LRRC3B: variants seen among roughly 807,000 people sequenced by gnomAD.
LRRC3B encodes the protein leucine rich repeat containing 3B.
LRRC3B carries 2 observed loss-of-function variants against 12.8 expected under a neutral mutation model. That is an observed-to-expected ratio of 0.16 (90% CI 0.06 to 0.49). LRRC3B has a LOEUF of 0.49. Among genes scored for constraint, LRRC3B ranks in the 20% least tolerant of loss-of-function variants. The probability of loss-of-function intolerance (pLI) is 0.96; values close to 1 mark genes in which losing one functional copy is unlikely to be tolerated. For missense variants in LRRC3B, 189 were observed against 319.4 expected, an observed-to-expected ratio of 0.59 and a Z score of 3.11; for synonymous variants, 132 against 122.0, an observed-to-expected ratio of 1.08 and a Z score of -0.54.
At chr3:26,633,450 A>T (rs78011221) in intron 1 of LRRC3B, among the ~76,000 whole-genome samples, 5,201 of 152,314 alleles carry the variant, frequency 0.034, 166 homozygotes, top group East Asian at 0.13. Flanking sequence ...TTATTAGTAT[A>T]GAACAAAATA....
intron 1 of LRRC3B, among the ~76,000 whole-genome samples, chr3:26,672,850 CTTTG>C (rs1416596085): frequency 6.6e-6 from 1 of 152,154 alleles, no homozygotes; most frequent in Non-Finnish European, 1.5e-5. Flanking sequence ...CCATAGTACG[CTTTG>C]TTTAAGAGCC....
At chr3:26,648,052 C>T (rs1699189078) in intron 1 of LRRC3B, among the ~76,000 whole-genome samples, 1 of 151,630 alleles carries the variant, frequency 6.6e-6, no homozygotes, top group African/African-American at 2.4e-5. Flanking sequence ...GGAAGGAGTA[C>T]ATCTTGCCCA....
At chr3:26,699,706 C>T (rs2125457562) in intron 1 of LRRC3B, among the ~76,000 whole-genome samples, 1 of 152,298 alleles carries the variant, frequency 6.6e-6, no homozygotes, top group East Asian at 1.9e-4. Flanking sequence ...TGAGAGCCTA[C>T]ATTTATGTAG....
intron 1 of LRRC3B, among the ~76,000 whole-genome samples, chr3:26,662,125 C>T (rs985068508): frequency 2.0e-5 from 3 of 152,080 alleles, no homozygotes; most frequent in East Asian, 3.9e-4. Flanking sequence ...AATGAAAGTC[C>T]TCCTTTACTC....
At chr3:26,640,265 G>C (rs74373427) in intron 1 of LRRC3B, among the ~76,000 whole-genome samples, 1,539 of 151,636 alleles carry the variant, frequency 0.01, 61 homozygotes, top group East Asian at 0.085. Context: ...TTCTCTTTTC[G>C]TGAGATCACC....
chr3:26,631,696 G>C (rs1698760668), intron 1 of LRRC3B, among the ~76,000 whole-genome samples: 1 of 151,124 alleles, frequency 6.6e-6, no homozygotes, highest in South Asian at 2.1e-4. Flanking sequence ...GACCTTGTAG[G>C]GGTGGCAACA....
At chr3:26,635,672 T>C (rs1038080152) in intron 1 of LRRC3B, among the ~76,000 whole-genome samples, 3 of 152,240 alleles carry the variant, frequency 2.0e-5, no homozygotes, top group African/African-American at 7.2e-5. Flanking sequence ...CAATTTGTTA[T>C]GGCAGCCCTA....
intron 1 of LRRC3B, chr3:26,701,181 A>G (rs904483769): frequency 4.6e-5 from 7 of 152,116 alleles, no homozygotes; most frequent in African/African-American, 1.7e-4. Flanking sequence ...AAAACCCTGA[A>G]TTTCATTTAA....
At chr3:26,689,472 G>T (rs1403386244) in intron 1 of LRRC3B, among the ~76,000 whole-genome samples, 20 of 152,168 alleles carry the variant, frequency 1.3e-4, no homozygotes, top group Admixed American at 1.1e-3. Context: ...GAGAACAGAG[G>T]TGTCATCCTC....
intron 1 of LRRC3B, among the ~76,000 whole-genome samples, chr3:26,627,320 C>A (rs1325800387): frequency 6.6e-6 from 1 of 152,098 alleles, no homozygotes; most frequent in Non-Finnish European, 1.5e-5. Context: ...ATAGAAGAAT[C>A]CTGTTTTTCA....
chr3:26,626,931 C>A (rs1698639606), intron 1 of LRRC3B, among the ~76,000 whole-genome samples: 1 of 152,156 alleles, frequency 6.6e-6, no homozygotes, highest in Non-Finnish European at 1.5e-5. Context: ...GGAATTTTTC[C>A]TATCACAGGA....
intron 1 of LRRC3B, among the ~76,000 whole-genome samples, chr3:26,656,093 G>T (rs1267807423): frequency 6.6e-6 from 1 of 152,078 alleles, no homozygotes. Context: ...ATTTATGAAA[G>T]CCCTGAAGAA....
chr3:26,671,364 A>ATATATATATGTATG (rs1699731891), intron 1 of LRRC3B, among the ~76,000 whole-genome samples: 1 of 80,994 alleles, frequency 1.2e-5, no homozygotes, highest in African/African-American at 5.3e-5. Context: ...ATATATATAT[A>ATATATATATGTATG]TATATATATA....
intron 1 of LRRC3B, among the ~76,000 whole-genome samples, chr3:26,707,382 ATAAT>A (rs1297714285): frequency 6.6e-6 from 1 of 152,032 alleles, no homozygotes; most frequent in Non-Finnish European, 1.5e-5. Context: ...TAAAAATAAA[ATAAT>A]AAATAAATAA....
intron 1 of LRRC3B, among the ~76,000 whole-genome samples, chr3:26,652,491 A>G (rs950142189): frequency 5.3e-5 from 8 of 152,232 alleles, no homozygotes; most frequent in Admixed American, 5.2e-4. Flanking sequence ...GCAGAGGGGT[A>G]GTAGAACAGA....
intron 1 of LRRC3B, among the ~76,000 whole-genome samples, chr3:26,640,718 T>C (rs188373212): frequency 5.3e-5 from 8 of 152,220 alleles, no homozygotes; most frequent in Non-Finnish European, 1.0e-4. Flanking sequence ...AAAACTGTGT[T>C]TATAAAGCAC....
chr3:26,631,672 C>G (rs1347495203), intron 1 of LRRC3B, among the ~76,000 whole-genome samples: 5 of 151,160 alleles, frequency 3.3e-5, no homozygotes, highest in African/African-American at 1.2e-4. Flanking sequence ...GAAAACTCTT[C>G]TAAGAAAGGC....
chr3:26,709,371 A>C, intron 1 of LRRC3B, 142 bp from the exon 2 acceptor site: 1 of 367,714 alleles, frequency 2.7e-6, no homozygotes, highest in Non-Finnish European at 5.0e-6. Context: ...TTTCGCAGAT[A>C]ACTCCCAGTG....
chr3:26,670,471 TA>T (rs1223874359), intron 1 of LRRC3B, among the ~76,000 whole-genome samples: 5 of 152,192 alleles, frequency 3.3e-5, no homozygotes, highest in African/African-American at 1.2e-4. Flanking sequence ...TCGGGGAAAT[TA>T]TTTCTTCTTT....
Sources: gnomAD v4.1 joint callset for allele counts (sites outside exome capture counted in the v4.1 genomes callset) on GRCh38, gnomAD v4.1.1 for gene constraint, MANE v1.5 for transcripts, NCBI Gene and HGNC (gene_info 2026-07-23, HGNC 2026-07-21) for gene names.